The following RABGAP1L variants were observed in gnomAD, a reference collection of about 807,000 sequenced individuals.
RABGAP1L encodes the protein rab GTPase-activating protein 1-like.
In RABGAP1L, 63 loss-of-function variants were observed where a neutral mutation model predicts 137.7. The ratio of observed to expected loss-of-function variants is 0.46; its 90% confidence interval spans 0.37 to 0.56. The LOEUF (loss-of-function observed/expected upper bound fraction) is 0.56, where lower values mean the gene tolerates loss of function less well. Ranked by LOEUF, RABGAP1L falls within the 20% of genes least tolerant of loss-of-function variation. The pLI, the probability that RABGAP1L is intolerant of heterozygous loss-of-function variation, is 0.00. For synonymous variants in RABGAP1L, 431 were observed against 433.7 expected, an observed-to-expected ratio of 0.99 and a Z score of 0.08; for missense variants, 1,095 against 1,244.0, an observed-to-expected ratio of 0.88 and a Z score of 1.80.
At chr1:174,807,787 C>T (rs1386504912) in intron 18 of RABGAP1L, among the ~76,000 whole-genome samples, 1 of 151,984 alleles carries the variant, frequency 6.6e-6, no homozygotes, top group Non-Finnish European at 1.5e-5. Context: ...TTAGACTGCC[C>T]ACTTTATGGA....
chr1:174,889,546 A>G (rs1655771180), intron 19 of RABGAP1L, among the ~76,000 whole-genome samples: 1 of 151,548 alleles, frequency 6.6e-6, no homozygotes, highest in Admixed American at 6.6e-5. Flanking sequence ...TCAACCTCTC[A>G]AGTAGTTGGG....
rs146127956 is a variant in RABGAP1L, at chr1:174,962,196, AC to A, written c.2433+4657del. 1.5e-3 allele frequency among the ~76,000 whole-genome samples: 120 copies of A among 77,832 alleles called. 9 individuals are homozygous for A. The highest frequency in any genetic ancestry group is 0.012 in the South Asian group (29 of 2,488). The allele number at this position is 77,832 out of a possible 152,430, so 51.1% of individuals were successfully genotyped here. On this transcript the variant is annotated intron_variant, in intron 20 of 25. Coordinates refer to ENST00000681986, the MANE Select transcript of RABGAP1L (RefSeq NM_001366446.1). Reference sequence around the variant, plus strand: ...TCTCAAAAAATAAAAATAAAAATACACCCCCCCCCCACACACACACACAGCT... The same window carrying A: ...TCTCAAAAAATAAAAATAAAAATACACCCCCCCCCACACACACACACAGCT...
intron 4 of RABGAP1L, among the ~76,000 whole-genome samples, chr1:174,238,621 C>T (rs1255997953): frequency 8.0e-5 from 12 of 150,762 alleles, no homozygotes; most frequent in Non-Finnish European, 1.2e-4. Flanking sequence ...GGCAGTCTGC[C>T]CGTTCTCAGA....
At chr1:174,731,642 C>A (rs1156811224) in intron 17 of RABGAP1L, among the ~76,000 whole-genome samples, 3 of 152,240 alleles carry the variant, frequency 2.0e-5, no homozygotes, top group Middle Eastern at 3.2e-3. Flanking sequence ...TGGCTTCCAT[C>A]TTCACAGTCA....
In RABGAP1L at chr1:174,615,350, T is replaced by C. The variant is rs367810808; in HGVS notation, c.1711-22025T>C. Among the ~76,000 whole-genome samples the C allele has an allele frequency of 2.8e-4, 43 of 152,348 alleles. No homozygotes were observed. In the East Asian group the frequency reaches 4.4e-3, roughly 16 times the overall value. ...TTTGCTGGATGTCCACTCCAGACCC[T>C]ATTTGCCTGGGTATCAGCAGCAGTG... On this transcript the variant is annotated intron_variant, in intron 13 of 25. Transcript: ENST00000681986.
rs1019936299 is a variant in RABGAP1L at position 174,494,042 on chromosome 1, T to G, written c.1710+99897T>G. ...TTTATTTTTTCTGACTTTCCTTCTT[T>G]GGAGCCTAGTAATTTTGGGAGTATA... On this transcript the variant is annotated intron_variant, in intron 13 of 25. Coordinates refer to ENST00000681986, the MANE Select transcript of RABGAP1L (RefSeq NM_001366446.1). Among the ~76,000 whole-genome samples the G allele has an allele frequency of 2.6e-5, 4 of 152,212 alleles. No individual in the cohort carries two copies. In the East Asian group the frequency reaches 7.7e-4, roughly 29 times the overall value.
intron 1 of RABGAP1L, among the ~76,000 whole-genome samples, chr1:174,202,400 A>G (rs1668185100): frequency 6.6e-6 from 1 of 152,230 alleles, no homozygotes; most frequent in African/African-American, 2.4e-5. Flanking sequence ...TCTGATGGCC[A>G]GTGATGGTGA....
chr1:174,843,379 C>G (rs1267488637), intron 19 of RABGAP1L, among the ~76,000 whole-genome samples: 1 of 150,646 alleles, frequency 6.6e-6, no homozygotes, highest in Non-Finnish European at 1.5e-5. Flanking sequence ...CCTCCCCTCT[C>G]CCCCCACCCC....
chr1:174,747,519 TA>T (rs1558041269), intron 17 of RABGAP1L, among the ~76,000 whole-genome samples: 1 of 152,160 alleles, frequency 6.6e-6, no homozygotes, highest in Non-Finnish European at 1.5e-5. Context: ...TGTTCTACTT[TA>T]GTTCAAGGCT....
At chr1:174,961,937 A>C (rs1669151261) in intron 20 of RABGAP1L, among the ~76,000 whole-genome samples, 1 of 151,644 alleles carries the variant, frequency 6.6e-6, no homozygotes, top group African/African-American at 2.4e-5. Flanking sequence ...TGGGCAGATC[A>C]CAAGGTCAGG....
chr1:174,801,031 A>T (rs1431830300), intron 18 of RABGAP1L, among the ~76,000 whole-genome samples: 3 of 152,178 alleles, frequency 2.0e-5, no homozygotes, highest in Non-Finnish European at 4.4e-5. Flanking sequence ...TGAACTGTTT[A>T]TCTGTGAAAC....
rs564991698 is a variant in RABGAP1L at position 174,556,531 on chromosome 1, A to G, written c.1711-80844A>G. Among the ~76,000 whole-genome samples the G allele has an allele frequency of 9.2e-5, 14 of 152,264 alleles. No individual in the cohort carries two copies. The East Asian group carries it at 2.7e-3, about 29-fold the overall frequency. On this transcript the variant is annotated intron_variant, in intron 13 of 25. Transcript: ENST00000681986. ...CATCCTGTACTCTTCTCTTTTATCA[A>G]ATGGTTGTACTGGTGGCAAAAGCTT...
intron 1 of RABGAP1L, among the ~76,000 whole-genome samples, chr1:174,208,856 G>T (rs1668676706): frequency 6.6e-6 from 1 of 152,098 alleles, no homozygotes; most frequent in African/African-American, 2.4e-5. Context: ...ATGTTTGGTG[G>T]AGTTTACCAG....
chr1:174,804,716 T>A (rs1689106234), intron 18 of RABGAP1L, among the ~76,000 whole-genome samples: 1 of 152,230 alleles, frequency 6.6e-6, no homozygotes, highest in African/African-American at 2.4e-5. Flanking sequence ...CTACTCATTT[T>A]CCACAGTGAA....
chr1:174,775,655 C>T (rs1686472795), intron 18 of RABGAP1L, among the ~76,000 whole-genome samples: 1 of 152,060 alleles, frequency 6.6e-6, no homozygotes, highest in Non-Finnish European at 1.5e-5. Context: ...TCTATATAGT[C>T]TACCCTACTG....
intron 9 of RABGAP1L, among the ~76,000 whole-genome samples, chr1:174,277,291 G>T (rs1293564517): frequency 6.6e-6 from 1 of 151,874 alleles, no homozygotes; most frequent in East Asian, 1.9e-4. Flanking sequence ...CTGGAGACAG[G>T]CTTGCAAATA....
chr1:174,929,708 G>A (rs982877989), intron 19 of RABGAP1L, among the ~76,000 whole-genome samples: 19 of 150,548 alleles, frequency 1.3e-4, no homozygotes, highest in Non-Finnish European at 2.5e-4. Context: ...ATATCACTGC[G>A]CTATATTCCA....
At chr1:174,517,479 T>C (rs1213132431) in intron 13 of RABGAP1L, among the ~76,000 whole-genome samples, 1 of 152,176 alleles carries the variant, frequency 6.6e-6, no homozygotes, top group Non-Finnish European at 1.5e-5. Context: ...ATTATATCAC[T>C]GCAGTTCTAG....
intron 17 of RABGAP1L, among the ~76,000 whole-genome samples, chr1:174,716,641 T>G (rs1681039021): frequency 6.6e-6 from 1 of 152,158 alleles, no homozygotes; most frequent in Non-Finnish European, 1.5e-5. Flanking sequence ...AGGCTCTTAT[T>G]TTTTATTTTT....
Sources: allele counts gnomAD v4.1 joint callset (sites outside exome capture counted in the v4.1 genomes callset), GRCh38; gene constraint gnomAD v4.1.1; transcripts MANE v1.5; gene names NCBI Gene and HGNC (gene_info 2026-07-23, HGNC 2026-07-21).